The following DNAJC2 variants were observed in gnomAD, a reference collection of about 807,000 sequenced individuals.
The protein encoded by DNAJC2 is dnaJ homolog subfamily C member 2.
In DNAJC2, 32 loss-of-function variants were observed where a neutral mutation model predicts 94.0. The ratio of observed to expected loss-of-function variants is 0.34; its 90% CI spans 0.26 to 0.46. The LOEUF (loss-of-function observed/expected upper bound fraction) is 0.46. Among genes scored for constraint, DNAJC2 ranks in the 20% least tolerant of loss-of-function variants. The pLI, the probability that DNAJC2 is intolerant of heterozygous loss-of-function variation, is 1.00. For synonymous variants in DNAJC2, 210 were observed against 229.7 expected, an observed-to-expected ratio of 0.91 and a Z score of 0.77; for missense variants, 550 against 719.5, an observed-to-expected ratio of 0.76 and a Z score of 2.69.
chr7:103,343,821 T>C (rs1453363175), intron 1 of DNAJC2, among the ~76,000 whole-genome samples: 1 of 152,126 alleles, frequency 6.6e-6, no homozygotes, highest in African/African-American at 2.4e-5. Flanking sequence ...TTAAGCCTTT[T>C]GCTCTAGTTG....
intron 10 of DNAJC2, among the ~76,000 whole-genome samples, chr7:103,320,290 A>G (rs1333466762): frequency 1.3e-5 from 2 of 151,574 alleles, no homozygotes; most frequent in South Asian, 2.1e-4. Context: ...GGGTTTCACC[A>G]TTTTGGCCAG....
At chr7:103,340,405 A>G (rs772003474) in intron 2 of DNAJC2, among the ~76,000 whole-genome samples, 1 of 152,228 alleles carries the variant, frequency 6.6e-6, no homozygotes, top group Non-Finnish European at 1.5e-5. Flanking sequence ...TGTTTTATAC[A>G]TATGCTTTAG....
rs372413809 is a variant in DNAJC2 at position 103,342,908 on chromosome 7, T to C, written c.65-954A>G. Among the ~76,000 whole-genome samples the C allele has an allele frequency of 5.4e-5, 8 of 148,792 alleles. No individual in the cohort carries two copies. The South Asian group carries it at 1.3e-3, about 24-fold the overall frequency. On this transcript the variant is annotated intron_variant, in intron 1 of 16. Transcript: ENST00000379263. Reference sequence around the variant, plus strand: ...CAGGCGTGAGCCACCGCGCCCGGCCTAGACAAATAATTTTAATAAAGTAAT... The same window carrying C: ...CAGGCGTGAGCCACCGCGCCCGGCCCAGACAAATAATTTTAATAAAGTAAT...
chr7:103,312,772 C>A, intron 16 of DNAJC2, 129 bp from the exon 17 acceptor site: 1 of 1,513,166 alleles, frequency 6.6e-7, no homozygotes. Context: ...CATTATCTGC[C>A]AGGGCCTAGA....
At chr7:103,313,261 TAA>T in intron 15 of DNAJC2, 160 bp from the exon 16 acceptor site, 1 of 1,350,578 alleles carries the variant, frequency 7.4e-7, no homozygotes, top group Admixed American at 3.5e-5. Flanking sequence ...CTCTGAGTGT[TAA>T]TAAGAGAAAA....
chr7:103,333,503 C>T (rs559121064), intron 3 of DNAJC2, among the ~76,000 whole-genome samples: 8 of 152,162 alleles, frequency 5.3e-5, no homozygotes, highest in South Asian at 2.1e-4. Context: ...TCTGATTCAG[C>T]GGAGATAAAA....
chr7:103,322,889 T>A, intron 7 of DNAJC2, 95 bp from the exon 8 acceptor site: 1 of 969,758 alleles, frequency 1.0e-6, no homozygotes, highest in Non-Finnish European at 1.5e-6. Context: ...GTACATAACA[T>A]CCTAGAGGTT....
At chr7:103,342,857 C>A (rs1819437034) in intron 1 of DNAJC2, among the ~76,000 whole-genome samples, 1 of 152,100 alleles carries the variant, frequency 6.6e-6, no homozygotes, top group Admixed American at 6.5e-5. Context: ...ATCCACCCAC[C>A]TCGGCCTGCC....
At position 103,319,811 on chromosome 7, in the gene DNAJC2, G is replaced by C. The variant is rs1415447045; in HGVS notation, c.1117C>G (p.Arg373Gly). Residue 373 changes from arginine to glycine, a missense_variant, in exon 11 of 17, where the codon CGG (arginine) becomes GGG (glycine). Physicochemically the swap from Arg to Gly is moderately radical, Grantham distance 125. This residue lies in a region of DNAJC2 where 271 missense variants were observed against 302.6 expected (regional missense o/e 0.90). Coordinates refer to ENST00000379263, the MANE Select transcript of DNAJC2 (RefSeq NM_014377.3). ...TCCACTTCTTCCATCATTTTAACCC[G>C]CTCTGCCTCATTATCAGAAAAATGA... ...WNHFSDNEAE[R>G]VKMMEEVEKL... The C allele has an allele frequency of 6.2e-7, 1 of 1,614,102 alleles. No homozygotes were observed. Among genetic ancestry groups the C allele is most frequent in the Non-Finnish European group, 8.5e-7 (1 of 1,180,014 alleles).
intron 3 of DNAJC2, chr7:103,328,917 T>C: frequency 1.1e-6 from 1 of 869,970 alleles, no homozygotes; most frequent in Non-Finnish European, 1.6e-6. Context: ...TTATTTAGGA[T>C]TCTTTCTTCT....
At position 103,312,934 on chromosome 7, in the gene DNAJC2, T is replaced by G. The variant is rs79759109; in HGVS notation, c.1791+13A>C. 2,437 of 1,602,428 alleles carry G rather than the reference T, an allele frequency of 1.5e-3. 31 individuals are homozygous for G. In the African/African-American group the frequency reaches 0.029, roughly 19 times the overall value. The stretch of plus-strand genomic sequence containing the variant: ...TTAAAATACAACAATCTATAAACGC[T>G]TAAGTCTGCAACCTTGTATCGTTTC... On this transcript the variant is annotated intron_variant, in intron 16 of 16. Transcript: ENST00000379263.
intron 3 of DNAJC2, among the ~76,000 whole-genome samples, chr7:103,331,621 T>A (rs1818976316): frequency 6.6e-6 from 1 of 152,220 alleles, no homozygotes; most frequent in African/African-American, 2.4e-5. Context: ...ATATTTGCCT[T>A]TCTGTGCCTA....
chr7:103,342,308 C>CTTT, intron 1 of DNAJC2, among the ~76,000 whole-genome samples: 1 of 143,104 alleles, frequency 7.0e-6, no homozygotes, highest in African/African-American at 2.5e-5. Context: ...TATTTTTTTA[C>CTTT]TTTTTTTTTT....
Position 103,315,743 on chromosome 7 carries a change from G to C in DNAJC2, c.1636+21C>G, listed in dbSNP as rs369450606. The C allele has an allele frequency of 3.2e-6, 5 of 1,551,662 alleles. No homozygotes were observed. The African/African-American group carries it at 4.1e-5, about 13-fold the overall frequency. On this transcript the variant is annotated intron_variant, in intron 15 of 16. Transcript: ENST00000379263. Reference sequence around the variant, plus strand: ...CAGATACATGGCTAGCATTTTCTACGTTTAGAAAAGCAAAATTTACCTTCA... The same window carrying C: ...CAGATACATGGCTAGCATTTTCTACCTTTAGAAAAGCAAAATTTACCTTCA...
intron 3 of DNAJC2, among the ~76,000 whole-genome samples, chr7:103,331,886 G>A (rs960436249): frequency 1.3e-5 from 2 of 152,106 alleles, no homozygotes; most frequent in Non-Finnish European, 2.9e-5. Flanking sequence ...TGGGAACGCT[G>A]GGCTATATGT....
chr7:103,329,891 C>T (rs1818894795), intron 3 of DNAJC2, among the ~76,000 whole-genome samples: 1 of 152,084 alleles, frequency 6.6e-6, no homozygotes, highest in African/African-American at 2.4e-5. Flanking sequence ...ATATTTATTT[C>T]CTTCTTTCCA....
At chr7:103,333,545 A>G (rs1040481847) in intron 3 of DNAJC2, among the ~76,000 whole-genome samples, 11 of 152,232 alleles carry the variant, frequency 7.2e-5, no homozygotes, top group African/African-American at 2.2e-4. Flanking sequence ...GATTTTAAGC[A>G]TTCATTAAGT....
Position 103,322,811 on chromosome 7 carries a change from A to G in DNAJC2, c.720-17T>C, listed in dbSNP as rs1190960730. 1.9e-6 allele frequency: 3 copies of G among 1,582,956 alleles called. No homozygotes were observed. The highest frequency in any genetic ancestry group is 2.6e-6 in the Non-Finnish European group (3 of 1,164,848). On this transcript the variant is annotated splice_polypyrimidine_tract_variant and intron_variant, in intron 7 of 16. Transcript: ENST00000379263. ...TCATCACGACTATAAAATAGAAAAT[A>G]TTGGAAACAAACTACTGCTTATAGA...
intron 5 of DNAJC2, among the ~76,000 whole-genome samples, 193 bp downstream of exon 5, chr7:103,326,350 T>A (rs891654020): frequency 6.6e-6 from 1 of 152,216 alleles, no homozygotes; most frequent in South Asian, 2.1e-4. Context: ...AACTTCTGTT[T>A]AGAAAGCAAT....
Sources: allele counts gnomAD v4.1 joint callset (sites outside exome capture counted in the v4.1 genomes callset), GRCh38; gene constraint gnomAD v4.1.1; regional missense constraint gnomAD v4.1.1; transcripts MANE v1.5; gene names NCBI Gene and HGNC (gene_info 2026-07-23, HGNC 2026-07-21).